Variants in CD244 observed in about 807,000 individuals in gnomAD.
CD244 encodes CD244 molecule.
Under a neutral mutation model 45.5 loss-of-function variants are expected in CD244, and 20 were observed. The ratio of observed to expected loss-of-function variants is 0.44; its 90% confidence interval spans 0.31 to 0.64. The LOEUF (loss-of-function observed/expected upper bound fraction) is 0.64. Ranked by LOEUF, CD244 falls within the 30% of genes least tolerant of loss-of-function variation. The pLI, the probability that CD244 is intolerant of heterozygous loss-of-function variation, is 0.08. For synonymous variants in CD244, 185 were observed against 160.5 expected (o/e 1.15, Z -1.15); for missense variants, 407 against 426.9 (o/e 0.95, Z 0.41).
chr1:160,831,118 C>T lies in CD244; in HGVS notation c.*229G>A. On this transcript the variant is annotated 3_prime_UTR_variant, in exon 9 of 9. Coordinates refer to ENST00000368034, the MANE Select transcript of CD244 (RefSeq NM_016382.4). ...TGTGGCCTTTTGTGAACAACCTAAC[C>T]CCTCCACCCATTCATGTCTGATCTG... 1 of 452,510 alleles carries T rather than the reference C, an allele frequency of 2.2e-6. No homozygotes were observed. The highest frequency in any genetic ancestry group is 4.0e-6 in the Non-Finnish European group (1 of 251,980). The allele number at this position is 452,510 out of a possible 1,614,324, so 28.0% of individuals were successfully genotyped here. A position where few individuals can be genotyped will look rare whatever the true frequency, so the allele number is the denominator to read the frequency against.
rs73021993 is a variant in CD244 at position 160,846,204 on chromosome 1, C to T, written c.62-4303G>A. The stretch of plus-strand genomic sequence containing the variant: ...TTATAGTCTTTTATCCCTCACTCCC[C>T]TCCCACTTTTCCTCCCAAGTCACCA... On this transcript the variant is annotated intron_variant, in intron 1 of 8. Transcript: ENST00000368034. Among the ~76,000 whole-genome samples the T allele has an allele frequency of 6.7e-3, 1,023 of 152,314 alleles. 13 individuals are homozygous for T. The highest frequency in any genetic ancestry group is 0.023 in the African/African-American group (974 of 41,554).
intron 8 of CD244, among the ~76,000 whole-genome samples, chr1:160,832,246 C>A (rs1171250283): frequency 6.6e-6 from 1 of 152,164 alleles, no homozygotes; most frequent in Non-Finnish European, 1.5e-5. Context: ...GGCCCACAGC[C>A]TGGGAACTAG....
intron 1 of CD244, chr1:160,848,431 C>T (rs1400424122): frequency 1.8e-6 from 1 of 551,012 alleles, no homozygotes; most frequent in Non-Finnish European, 3.6e-6. Context: ...TTGCAGACAG[C>T]ATGGAGCCCT....
At position 160,837,056 on chromosome 1, in the gene CD244, G is replaced by C. The variant is rs181419378; in HGVS notation, c.835-802C>G. Among the ~76,000 whole-genome samples, 41 of 152,248 alleles carry C rather than the reference G, an allele frequency of 2.7e-4. 1 individual carries two copies. The highest frequency in any genetic ancestry group is 9.9e-4 in the African/African-American group (41 of 41,530). On this transcript the variant is annotated intron_variant, in intron 5 of 8. Coordinates refer to ENST00000368034, the MANE Select transcript of CD244 (RefSeq NM_016382.4). Reference sequence around the variant, plus strand: ...TTGCTTTTCTCTCCCGTCCAGACCCGTGTGAAGTGTTTCTAGAAAGATTAG... The same window carrying C: ...TTGCTTTTCTCTCCCGTCCAGACCCCTGTGAAGTGTTTCTAGAAAGATTAG...
At chr1:160,859,706 A>T (rs1406699283) in intron 1 of CD244, among the ~76,000 whole-genome samples, 1 of 150,892 alleles carries the variant, frequency 6.6e-6, no homozygotes, top group Admixed American at 6.6e-5. Context: ...CGGGAGTTCA[A>T]GACCACCCTG....
intron 1 of CD244, chr1:160,848,095 T>A (rs186435563): frequency 2.5e-6 from 1 of 397,466 alleles, no homozygotes; most frequent in Non-Finnish European, 4.9e-6. Flanking sequence ...CACATAAAGT[T>A]CCAAAGACAG....
chr1:160,860,139 C>G (rs1224466284), intron 1 of CD244, among the ~76,000 whole-genome samples: 1 of 152,016 alleles, frequency 6.6e-6, no homozygotes, highest in Non-Finnish European at 1.5e-5. Context: ...CCCGGGGGAG[C>G]AGAAGTTGCA....
At chr1:160,844,749 C>T (rs2101877741) in intron 1 of CD244, among the ~76,000 whole-genome samples, 1 of 152,250 alleles carries the variant, frequency 6.6e-6, no homozygotes, top group Non-Finnish European at 1.5e-5. Flanking sequence ...CCAAGGCCGG[C>T]AGATCACTCA....
intron 1 of CD244, among the ~76,000 whole-genome samples, chr1:160,842,799 T>A (rs752454041): frequency 2.0e-5 from 3 of 152,162 alleles, no homozygotes; most frequent in Non-Finnish European, 4.4e-5. Flanking sequence ...TCTCAAAGAA[T>A]CAAGATGAAA....
chr1:160,855,722 C>G (rs1670081602), intron 1 of CD244, among the ~76,000 whole-genome samples: 1 of 152,224 alleles, frequency 6.6e-6, no homozygotes, highest in Admixed American at 6.5e-5. Flanking sequence ...TACTGCTCAG[C>G]AGCTTTGGGG....
At chr1:160,855,101 C>T (rs1670059722) in intron 1 of CD244, among the ~76,000 whole-genome samples, 1 of 152,206 alleles carries the variant, frequency 6.6e-6, no homozygotes, top group Non-Finnish European at 1.5e-5. Context: ...AGTACATTGA[C>T]ACTGGAGACT....
chr1:160,856,060 G>A (rs1254106497), intron 1 of CD244, among the ~76,000 whole-genome samples: 3 of 152,178 alleles, frequency 2.0e-5, no homozygotes, highest in African/African-American at 4.8e-5. Context: ...TAGATGTTAA[G>A]GTTTTCTCAG....
chr1:160,838,686 C>G (rs1319651), intron 4 of CD244, 168 bp from the exon 5 acceptor site: 330,625 of 630,148 alleles, frequency 0.52, 89,424 homozygotes, highest in Middle Eastern at 0.59. Flanking sequence ...AGGCAGCAAC[C>G]GAACTGCCCC....
At chr1:160,837,139 C>T (rs1339872213) in intron 5 of CD244, among the ~76,000 whole-genome samples, 1 of 152,146 alleles carries the variant, frequency 6.6e-6, no homozygotes, top group Non-Finnish European at 1.5e-5. Flanking sequence ...CAAATTGGAG[C>T]CCTGAGACAA....
chr1:160,844,703 G>A (rs555724659), intron 1 of CD244, among the ~76,000 whole-genome samples: 7 of 152,274 alleles, frequency 4.6e-5, no homozygotes, highest in South Asian at 2.1e-4. Context: ...GGCCTGGTGC[G>A]GTGGCTCATG....
At position 160,841,489 on chromosome 1, in the gene CD244, G is replaced by C; in HGVS notation, c.380-4C>G. 1 of 1,613,934 alleles carries C rather than the reference G, an allele frequency of 6.2e-7. No individual in the cohort carries two copies. The highest frequency in any genetic ancestry group is 8.5e-7 in the Non-Finnish European group (1 of 1,179,964). ...AGGCGGGGTTTCTCAACTTTATCTG[G>C]AAGCAGAGATTCTGATCAGAAAGGC... On this transcript the variant is annotated splice_polypyrimidine_tract_variant and splice_region_variant and intron_variant, in intron 2 of 8. Coordinates refer to ENST00000368034, the MANE Select transcript of CD244 (RefSeq NM_016382.4).
At chr1:160,850,453 A>G (rs1038190590) in intron 1 of CD244, among the ~76,000 whole-genome samples, 1 of 152,226 alleles carries the variant, frequency 6.6e-6, no homozygotes, top group Non-Finnish European at 1.5e-5. Context: ...GGTTATTTTT[A>G]TAGAAATTAA....
chr1:160,838,953 T>G lies in CD244; in HGVS notation c.752A>C (p.Lys251Thr). ...ACFCVWRRKR[K>T]EKQSETSPKE... ...CTTCCACTCACCTGACTGCTTCTCC[T>G]TCCTCTTTCTCCTCCACACACAGAA... The change falls in exon 4 of 9, where the codon AAG becomes ACG. Residue 251 changes from lysine (K) to threonine (T), a missense_variant. Physicochemically the swap from Lys to Thr is moderately conservative, Grantham distance 78 (BLOSUM62 -1). Transcript: ENST00000368034. 1.9e-6 allele frequency: 3 copies of G among 1,613,032 alleles called. No individual in the cohort carries two copies. The highest frequency in any genetic ancestry group is 2.5e-6 in the Non-Finnish European group (3 of 1,179,126).
In CD244 at chr1:160,831,396, G is replaced by A. The variant is rs1362332764; in HGVS notation, c.1049C>T (p.Pro350Leu). 1.9e-6 allele frequency: 3 copies of A among 1,614,062 alleles called. No individual in the cohort carries two copies. The highest frequency in any genetic ancestry group is 2.7e-5 in the African/African-American group (2 of 74,942). Residue 350 changes from proline (P) to leucine (L), a missense_variant, in exon 9 of 9, where the codon CCT becomes CTT. Pro to Leu is a moderately conservative substitution (Grantham distance 98). Transcript: ENST00000368034. ...CAGCTCTTTGCGGCTCAATCGAGCA[G>A]GGTTCTGGGCTTTAGGTTGACTCTT... Reference protein sequence around the residue: ...IGKSQPKAQNPARLSRKELEN... With the variant: ...IGKSQPKAQNLARLSRKELEN...
Sources: allele counts gnomAD v4.1 joint callset (sites outside exome capture counted in the v4.1 genomes callset), GRCh38; gene constraint gnomAD v4.1.1; transcripts MANE v1.5; gene names NCBI Gene and HGNC (gene_info 2026-07-23, HGNC 2026-07-21).